The following GALNT18 variants were observed in gnomAD, a reference collection of about 807,000 sequenced individuals.
GALNT18 encodes the protein GalNAc-transferase 18.
Under a neutral mutation model 69.5 loss-of-function variants are expected in GALNT18, and 44 were observed. The observed-to-expected ratio is 0.63, with a 90% confidence interval of 0.50 to 0.81. The LOEUF (loss-of-function observed/expected upper bound fraction) is 0.81, where lower values mean the gene tolerates loss of function less well. Among genes scored for constraint, GALNT18 ranks in the 40% least tolerant of loss-of-function variants. GALNT18 has a pLI of 0.00. For synonymous variants in GALNT18, 364 were observed against 318.2 expected (o/e 1.14, Z -1.53); for missense variants, 715 against 810.0 (o/e 0.88, Z 1.42).
rs1850505932 is a variant in GALNT18, at chr11:11,355,223, T to C, written c.1093-14219A>G. Reference sequence around the variant, plus strand: ...AGCACTTACTATGTGCCAGTCTTTGTTGTAGGAGATGGGAATCTTACCACA... The same window carrying C: ...AGCACTTACTATGTGCCAGTCTTTGCTGTAGGAGATGGGAATCTTACCACA... On this transcript the variant is annotated intron_variant, in intron 6 of 10. Transcript: ENST00000227756. 2.6e-5 allele frequency among the ~76,000 whole-genome samples: 4 copies of C among 152,242 alleles called. No individual in the cohort carries two copies. In the South Asian group the frequency reaches 8.3e-4, roughly 31 times the overall value.
intron 9 of GALNT18, among the ~76,000 whole-genome samples, chr11:11,296,179 A>T (rs747120190): frequency 1.3e-5 from 2 of 152,192 alleles, no homozygotes; most frequent in Non-Finnish European, 2.9e-5. Context: ...TGGAGAAGCC[A>T]TGCCGCATTA....
chr11:11,539,150 T>C, intron 1 of GALNT18, among the ~76,000 whole-genome samples: 1 of 152,232 alleles, frequency 6.6e-6, no homozygotes, highest in East Asian at 1.9e-4. Context: ...CAAACGCATC[T>C]GGGGCACAGG....
chr11:11,529,055 G>C (rs1590074953), intron 1 of GALNT18, among the ~76,000 whole-genome samples: 2 of 152,332 alleles, frequency 1.3e-5, no homozygotes, highest in South Asian at 4.1e-4. Context: ...CCATCAAAGA[G>C]AACAGCCTCT....
intron 10 of GALNT18, among the ~76,000 whole-genome samples, chr11:11,284,896 A>G (rs1341513769): frequency 8.4e-6 from 1 of 119,642 alleles, no homozygotes; most frequent in Non-Finnish European, 1.7e-5. Flanking sequence ...ATTTACTAGT[A>G]AAGACTTTCG....
chr11:11,511,734 A>G lies in GALNT18; in HGVS notation c.236-62798T>C, dbSNP rs115459867. 0.025 allele frequency among the ~76,000 whole-genome samples: 3,811 copies of G among 152,182 alleles called. 112 individuals carry two copies. Among genetic ancestry groups the G allele is most frequent in the African/African-American group, 0.066 (2,728 of 41,504 alleles). On this transcript the variant is annotated intron_variant, in intron 1 of 10. Transcript: ENST00000227756. The surrounding 1 kb of genome is among the most constrained non-coding windows in gnomAD (Gnocchi z 4.9). ...ATCAATGGTATATTGGTGCCCTTCT[A>G]AGAAGAGGCCAGAGAGCTCTCCCAG...
At chr11:11,488,743 C>T (rs1179004950) in intron 1 of GALNT18, among the ~76,000 whole-genome samples, 1 of 152,092 alleles carries the variant, frequency 6.6e-6, no homozygotes, top group South Asian at 2.1e-4. Context: ...TTCTCCTGGG[C>T]CCTGTAAGAG....
intron 1 of GALNT18, among the ~76,000 whole-genome samples, chr11:11,550,721 C>T (rs553868976): frequency 2.0e-5 from 3 of 152,284 alleles, no homozygotes; most frequent in East Asian, 1.9e-4. Flanking sequence ...TCTAGATCTG[C>T]GCTGTCCAAG....
rs981173738 is a variant in GALNT18, at chr11:11,601,787, T to C, written c.235+19572A>G. ...GTGACTTTAAGCAAAATATAACATATAACAAAACCTGTTTTTTTCTCATCA... is the reference window on the plus strand; with the variant it reads ...GTGACTTTAAGCAAAATATAACATACAACAAAACCTGTTTTTTTCTCATCA... On this transcript the variant is annotated intron_variant, in intron 1 of 10. Transcript: ENST00000227756. This position sits in a 1 kb window ranked among gnomAD's most constrained non-coding sequence, Gnocchi z 4.0. 7.9e-5 allele frequency among the ~76,000 whole-genome samples: 12 copies of C among 152,310 alleles called. No homozygotes were observed. The highest frequency in any genetic ancestry group is 2.6e-4 in the African/African-American group (11 of 41,564).
At chr11:11,482,077 G>A (rs1410154112) in intron 1 of GALNT18, among the ~76,000 whole-genome samples, 1 of 152,212 alleles carries the variant, frequency 6.6e-6, no homozygotes, top group Non-Finnish European at 1.5e-5. Context: ...GGCCTCCTGA[G>A]CAGGATCCTT....
intron 6 of GALNT18, chr11:11,352,152 T>A: frequency 1.2e-6 from 2 of 1,612,960 alleles, no homozygotes. Context: ...AGTGTAGAAA[T>A]AGGGGTGCTC....
chr11:11,473,737 A>C (rs7395203), intron 1 of GALNT18, among the ~76,000 whole-genome samples: 148,873 of 152,322 alleles, frequency 0.98, 72,829 homozygotes, highest in East Asian at 1. Flanking sequence ...CACCTATTGC[A>C]TGTCAGGCAC....
chr11:11,343,262 C>T (rs1303295682), intron 6 of GALNT18, among the ~76,000 whole-genome samples: 2 of 151,950 alleles, frequency 1.3e-5, no homozygotes, highest in South Asian at 2.1e-4. Flanking sequence ...GCAGGAGGAT[C>T]GCTTGAGCCC....
At chr11:11,440,435 G>A (rs1855509877) in intron 2 of GALNT18, among the ~76,000 whole-genome samples, 2 of 151,728 alleles carry the variant, frequency 1.3e-5, no homozygotes, top group South Asian at 2.1e-4. Flanking sequence ...GAGGAAGGTG[G>A]GGCAGGGCAG....
chr11:11,380,839 T>C (rs866344426), intron 3 of GALNT18, among the ~76,000 whole-genome samples: 1 of 152,264 alleles, frequency 6.6e-6, no homozygotes, highest in Non-Finnish European at 1.5e-5. Flanking sequence ...CCCAATGTCT[T>C]TCTTATCCAG....
intron 6 of GALNT18, among the ~76,000 whole-genome samples, chr11:11,351,427 G>C (rs1421265008): frequency 1.3e-5 from 2 of 152,206 alleles, no homozygotes; most frequent in Non-Finnish European, 2.9e-5. Flanking sequence ...GGAGCCAGCT[G>C]GTGAGGCCAG....
intron 2 of GALNT18, among the ~76,000 whole-genome samples, chr11:11,437,935 AC>A: frequency 6.6e-6 from 1 of 151,846 alleles, no homozygotes. Flanking sequence ...CCAGGCAACC[AC>A]TCCCCTCAGG....
chr11:11,324,710 A>C (rs901701783), intron 9 of GALNT18, among the ~76,000 whole-genome samples: 1 of 151,492 alleles, frequency 6.6e-6, no homozygotes, highest in Non-Finnish European at 1.5e-5. Context: ...ATTTCTTTTG[A>C]GAATTGTCTA....
intron 3 of GALNT18, among the ~76,000 whole-genome samples, chr11:11,426,941 A>G (rs1438718741): frequency 6.6e-6 from 1 of 152,188 alleles, no homozygotes; most frequent in Non-Finnish European, 1.5e-5. Flanking sequence ...ATATTATTCA[A>G]AAAATAAAAT....
At chr11:11,451,723 CT>C (rs1855804444) in intron 1 of GALNT18, among the ~76,000 whole-genome samples, 1 of 152,220 alleles carries the variant, frequency 6.6e-6, no homozygotes, top group African/African-American at 2.4e-5. Flanking sequence ...GTAACTGCTT[CT>C]TACAAGGGAC....
Sources: gnomAD v4.1 joint callset for allele counts (sites outside exome capture counted in the v4.1 genomes callset) on GRCh38, gnomAD v4.1.1 for gene constraint, Gnocchi (gnomAD v3.1) non-coding constraint, MANE v1.5 for transcripts, NCBI Gene and HGNC (gene_info 2026-07-23, HGNC 2026-07-21) for gene names.